Variants in NRXN3 observed in about 807,000 individuals in gnomAD.
The protein encoded by NRXN3 is neurexin 3.
Under a neutral mutation model 137.6 loss-of-function variants are expected in NRXN3, and 32 were observed. The ratio of observed to expected loss-of-function variants is 0.23; its 90% CI spans 0.18 to 0.31. NRXN3 has a LOEUF of 0.31. Ranked by LOEUF, NRXN3 falls within the 10% of genes least tolerant of loss-of-function variation. The pLI, the probability that NRXN3 is intolerant of heterozygous loss-of-function variation, is 1.00. For missense variants in NRXN3, 1,574 were observed against 2,062.5 expected (o/e 0.76, Z 4.59); for synonymous variants, 798 against 784.5 (o/e 1.02, Z -0.29).
At position 79,412,430 on chromosome 14, in the gene NRXN3, T is replaced by C. The variant is rs564884387; in HGVS notation, c.3263-54791T>C. ...TTGTCATAGGCACTAGAGGAAGGGA[T>C]AGAAAGATTCTGAGATCTAGGGGCA... On this transcript the variant is annotated intron_variant, in intron 15 of 20. Transcript: ENST00000335750. Among the ~76,000 whole-genome samples the C allele has an allele frequency of 3.9e-5, 6 of 152,096 alleles. No homozygotes were observed. In the South Asian group the frequency reaches 1.2e-3, roughly 32 times the overall value.
intron 15 of NRXN3, among the ~76,000 whole-genome samples, chr14:79,037,166 TATAAG>T (rs2099617478): frequency 6.6e-6 from 1 of 152,122 alleles, no homozygotes; most frequent in African/African-American, 2.4e-5. Context: ...CAGGAGATTC[TATAAG>T]ATATCAGGGA....
At chr14:78,484,017 CACACACACACAG>C (rs1258817487) in intron 4 of NRXN3, among the ~76,000 whole-genome samples, 44 of 86,202 alleles carry the variant, frequency 5.1e-4, no homozygotes, top group African/African-American at 1.3e-3. Context: ...CACACACACA[CACACACACACAG>C]AGAGAGAGAG....
intron 19 of NRXN3, among the ~76,000 whole-genome samples, chr14:79,721,424 C>T (rs546536813): frequency 3.7e-4 from 57 of 152,176 alleles, no homozygotes; most frequent in African/African-American, 1.2e-3. Context: ...CCAAGTATTA[C>T]AAAGGGGCTT....
chr14:79,537,293 C>CT lies in NRXN3; in HGVS notation c.3444+69901dup, dbSNP rs373141370. On this transcript the variant is annotated intron_variant, in intron 16 of 20. Coordinates refer to ENST00000335750, the MANE Select transcript of NRXN3 (RefSeq NM_001330195.2). ...AGTGTCTGTTCGTGTCCTTTGCCCA[C>CT]TTTTTTTTTTATTATACTTTAAGCT... Among the ~76,000 whole-genome samples, 223 of 148,400 alleles carry CT rather than the reference C, an allele frequency of 1.5e-3. 2 individuals carry two copies. The highest frequency in any genetic ancestry group is 3.9e-3 in the African/African-American group (160 of 40,614).
intron 10 of NRXN3, among the ~76,000 whole-genome samples, chr14:78,941,999 A>T (rs1180690985): frequency 6.6e-6 from 1 of 152,216 alleles, no homozygotes; most frequent in Non-Finnish European, 1.5e-5. Context: ...CAGAGAGTAG[A>T]GAGAACTGTG....
intron 4 of NRXN3, among the ~76,000 whole-genome samples, chr14:78,456,821 C>CTTTCTTTCTTTCT: frequency 8.0e-6 from 1 of 124,434 alleles, no homozygotes; most frequent in Admixed American, 8.6e-5. Flanking sequence ...TTCTTTCTTT[C>CTTTCTTTCTTTCT]TTTCTTTCTT....
At chr14:79,080,924 T>C (rs2046866493) in intron 15 of NRXN3, among the ~76,000 whole-genome samples, 1 of 152,212 alleles carries the variant, frequency 6.6e-6, no homozygotes, top group African/African-American at 2.4e-5. Context: ...ATATACATTA[T>C]ATAATCCGGT....
intron 16 of NRXN3, among the ~76,000 whole-genome samples, chr14:79,581,205 G>A (rs539481209): frequency 9.9e-5 from 15 of 152,248 alleles, no homozygotes; most frequent in African/African-American, 3.4e-4. Context: ...GCAAATTCCT[G>A]ATTTTCCAAG....
chr14:79,392,768 G>A (rs1346618490), intron 15 of NRXN3, among the ~76,000 whole-genome samples: 15 of 151,888 alleles, frequency 9.9e-5, no homozygotes, highest in African/African-American at 2.9e-4. Flanking sequence ...TCAGGAGATC[G>A]AGACCAGCCT....
chr14:78,868,769 C>T (rs1010311564), intron 10 of NRXN3, among the ~76,000 whole-genome samples: 7 of 151,522 alleles, frequency 4.6e-5, no homozygotes, highest in Non-Finnish European at 2.9e-5. Flanking sequence ...TGTGGTGAGC[C>T]GAGATTGCAC....
intron 16 of NRXN3, among the ~76,000 whole-genome samples, chr14:79,480,072 A>G (rs370699783): frequency 2.6e-5 from 4 of 152,270 alleles, no homozygotes; most frequent in East Asian, 3.9e-4. Flanking sequence ...TTAATTTTCT[A>G]TATTTGTAAT....
chr14:79,307,166 G>T (rs2086228845), intron 15 of NRXN3, among the ~76,000 whole-genome samples: 1 of 151,958 alleles, frequency 6.6e-6, no homozygotes. Context: ...CCTTATTCAT[G>T]GGTTTTATTA....
intron 4 of NRXN3, among the ~76,000 whole-genome samples, chr14:78,505,034 A>G (rs758201419): frequency 2.0e-5 from 3 of 152,174 alleles, no homozygotes; most frequent in Non-Finnish European, 4.4e-5. Flanking sequence ...ACAAGCATTA[A>G]GACCATTCCA....
intron 15 of NRXN3, among the ~76,000 whole-genome samples, chr14:79,277,769 G>A (rs2080526645): frequency 1.3e-5 from 2 of 152,196 alleles, no homozygotes; most frequent in African/African-American, 4.8e-5. Flanking sequence ...CCAAAAGTAT[G>A]CAAGACCTTG....
intron 15 of NRXN3, among the ~76,000 whole-genome samples, chr14:79,045,361 T>C (rs1440516968): frequency 6.6e-6 from 1 of 152,192 alleles, no homozygotes; most frequent in Non-Finnish European, 1.5e-5. Context: ...TCCTAGGCAC[T>C]GCACCTTCCT....
At chr14:78,953,559 T>G (rs192883979) in intron 10 of NRXN3, among the ~76,000 whole-genome samples, 33 of 152,346 alleles carry the variant, frequency 2.2e-4, no homozygotes, top group Non-Finnish European at 1.9e-4. Context: ...CATTAAAGGC[T>G]CTCTGTTCTA....
intron 16 of NRXN3, among the ~76,000 whole-genome samples, chr14:79,571,553 A>T (rs1311856631): frequency 6.6e-6 from 1 of 152,142 alleles, no homozygotes; most frequent in Non-Finnish European, 1.5e-5. Flanking sequence ...GAGCTTCCGC[A>T]ATGAATGCCT....
chr14:79,426,197 A>T lies in NRXN3; in HGVS notation c.3263-41024A>T, dbSNP rs117993498. 9.5e-3 allele frequency among the ~76,000 whole-genome samples: 1,449 copies of T among 152,272 alleles called. 13 individuals carry two copies. The highest frequency in any genetic ancestry group is 0.02 in the Middle Eastern group (6 of 294). On this transcript the variant is annotated intron_variant, in intron 15 of 20. Transcript: ENST00000335750. ...AGTGATTACAGTAGATGCAGCTGAC[A>T]GTAGCAGATGACACAACCTCCTTTC...
intron 15 of NRXN3, among the ~76,000 whole-genome samples, chr14:79,191,282 GAA>G (rs780002154): frequency 1.3e-5 from 2 of 152,190 alleles, no homozygotes; most frequent in Non-Finnish European, 2.9e-5. Context: ...AGAGCAAACT[GAA>G]ATACAAAGGC....
Sources: gnomAD v4.1 joint callset for allele counts (sites outside exome capture counted in the v4.1 genomes callset) on GRCh38, gnomAD v4.1.1 for gene constraint, MANE v1.5 for transcripts, NCBI Gene and HGNC (gene_info 2026-07-23, HGNC 2026-07-21) for gene names.